The following DYNC2I2 variants were observed in gnomAD, a reference collection of about 807,000 sequenced individuals.
DYNC2I2 encodes the protein dynein 2 intermediate chain 2.
In DYNC2I2, 39 loss-of-function variants were observed where a neutral mutation model predicts 52.0. That is an observed-to-expected ratio of 0.75 (90% CI 0.58 to 0.98). The LOEUF (loss-of-function observed/expected upper bound fraction) is 0.98. Ranked by LOEUF, DYNC2I2 falls within the 50% of genes least tolerant of loss-of-function variation. The pLI is 0.00. For synonymous variants in DYNC2I2, 359 were observed against 321.1 expected, an observed-to-expected ratio of 1.12 and a Z score of -1.26; for missense variants, 743 against 728.4, an observed-to-expected ratio of 1.02 and a Z score of -0.23.
At chr9:128,656,906 TG>T (rs1860841682), upstream of DYNC2I2, 1 of 633,294 alleles carries the variant, frequency 1.6e-6, no homozygotes, top group Non-Finnish European at 2.4e-6. Context: ...GAGAGAAGCA[TG>T]ACCGGTTTTG....
intron 1 of DYNC2I2, among the ~76,000 whole-genome samples, chr9:128,648,497 C>T (rs989742904): frequency 4.0e-5 from 6 of 151,434 alleles, no homozygotes; most frequent in South Asian, 2.1e-4. Flanking sequence ...CCAAGCCAAG[C>T]GGGCAGGGCC....
the DYNC2I2 span, chr9:128,683,810 C>T: frequency 8.3e-7 from 1 of 1,199,884 alleles, no homozygotes; most frequent in Non-Finnish European, 1.2e-6. Flanking sequence ...ATTTAAGCCG[C>T]TGGCACCTGG....
the DYNC2I2 span, among the ~76,000 whole-genome samples, chr9:128,681,672 T>C: frequency 1.2e-3 from 182 of 152,334 alleles, no homozygotes; most frequent in African/African-American, 4.0e-3. Flanking sequence ...TGTACCAATC[T>C]ACCTTCTATT....
rs143075961 is a variant in DYNC2I2 at position 128,640,898 on chromosome 9, G to A, written c.228C>T (p.Ser76=). 131 of 1,607,298 alleles carry A rather than the reference G, an allele frequency of 8.2e-5. No individual in the cohort carries two copies. The highest frequency in any genetic ancestry group is 3.3e-4 in the Middle Eastern group (2 of 6,046). Residue 76 remains serine, a synonymous_variant, in exon 2 of 9, where the codon TCC becomes TCT. Transcript: ENST00000372715. ...CGTCCACATGATTCCTGGCCTGGGCGGATGCACTGGCAGTGGCAATGCTGG... is the reference window on the plus strand; with the variant it reads ...CGTCCACATGATTCCTGGCCTGGGCAGATGCACTGGCAGTGGCAATGCTGG... The part of the protein sequence containing the change: ...QTASIATASA[S]AQARNHVDAQ...
At chr9:128,648,669 G>A (rs559337775) in intron 1 of DYNC2I2, among the ~76,000 whole-genome samples, 95 of 151,794 alleles carry the variant, frequency 6.3e-4, no homozygotes, top group Non-Finnish European at 1.1e-3. Flanking sequence ...GCGTGTTGGC[G>A]GGCAACTGTA....
Position 128,640,908 on chromosome 9 carries a change from G to C in DYNC2I2, c.218C>G (p.Ala73Gly), listed in dbSNP as rs769830006. 1.9e-6 allele frequency: 3 copies of C among 1,603,502 alleles called. No individual in the cohort carries two copies. The highest frequency in any genetic ancestry group is 2.6e-6 in the Non-Finnish European group (3 of 1,173,338). Residue 73 changes from alanine (A) to glycine (G), a missense_variant, in exon 2 of 9, where the codon GCC becomes GGC. Physicochemically the swap from Ala to Gly is moderately conservative, Grantham distance 60. Coordinates refer to ENST00000372715, the MANE Select transcript of DYNC2I2 (RefSeq NM_052844.4). ...ATTCCTGGCCTGGGCGGATGCACTG[G>C]CAGTGGCAATGCTGGCCGTCTGGCA... ...KSCQTASIAT[A>G]SASAQARNHV...
At chr9:128,667,124 G>A in the DYNC2I2 span, among the ~76,000 whole-genome samples, 15 of 150,668 alleles carry the variant, frequency 1.0e-4, no homozygotes, top group African/African-American at 3.4e-4. Flanking sequence ...GCTTGAACCC[G>A]GGAGGCAGAG....
At chr9:128,639,226 C>A (rs1352978777) in intron 2 of DYNC2I2, among the ~76,000 whole-genome samples, 2 of 151,822 alleles carry the variant, frequency 1.3e-5, no homozygotes, top group African/African-American at 4.8e-5. Context: ...ATGGTGAAAT[C>A]CATCTCTACC....
At chr9:128,659,232 C>T (rs1309702785), upstream of DYNC2I2, among the ~76,000 whole-genome samples, 1 of 151,878 alleles carries the variant, frequency 6.6e-6, no homozygotes, top group Non-Finnish European at 1.5e-5. Flanking sequence ...CATTAAGGGG[C>T]CGGGCGCGGT....
the DYNC2I2 span, among the ~76,000 whole-genome samples, chr9:128,670,172 G>A: frequency 6.6e-6 from 1 of 152,148 alleles, no homozygotes; most frequent in East Asian, 1.9e-4. Context: ...CACCGCTGGT[G>A]GGTCACACCT....
the DYNC2I2 span, among the ~76,000 whole-genome samples, chr9:128,673,548 C>T: frequency 6.6e-6 from 1 of 151,426 alleles, no homozygotes; most frequent in Admixed American, 6.6e-5. Flanking sequence ...CTCTGTCACC[C>T]GGGCTGGAGT....
intron 1 of DYNC2I2, among the ~76,000 whole-genome samples, chr9:128,649,500 C>T (rs1860683916): frequency 6.6e-6 from 1 of 151,396 alleles, no homozygotes; most frequent in Non-Finnish European, 1.5e-5. Context: ...ACCAGCCTGG[C>T]CAACATGGTG....
At chr9:128,661,451 T>A (rs192617010), upstream of DYNC2I2, among the ~76,000 whole-genome samples, 214 of 151,114 alleles carry the variant, frequency 1.4e-3, no homozygotes, top group African/African-American at 4.7e-3. Flanking sequence ...AAACCTTGTC[T>A]CTACAAAAAT....
intron 4 of DYNC2I2, 95 bp downstream of exon 4, chr9:128,636,186 G>A (rs757960860): frequency 4.3e-5 from 66 of 1,530,450 alleles, no homozygotes; most frequent in Admixed American, 2.0e-4. Flanking sequence ...TCCTGTCTCC[G>A]GGCCAAAGGG....
chr9:128,680,981 T>C, the DYNC2I2 span, among the ~76,000 whole-genome samples: 1 of 151,250 alleles, frequency 6.6e-6, no homozygotes. Flanking sequence ...TAGCTTGTTT[T>C]TGTACTTTAT....
chr9:128,636,452 G>C lies in DYNC2I2; in HGVS notation c.546-14C>G. The C allele has an allele frequency of 6.3e-6, 10 of 1,588,214 alleles. No homozygotes were observed. Among genetic ancestry groups the C allele is most frequent in the Non-Finnish European group, 7.7e-6 (9 of 1,172,276 alleles). On this transcript the variant is annotated splice_polypyrimidine_tract_variant and intron_variant, in intron 3 of 8. Coordinates refer to ENST00000372715, the MANE Select transcript of DYNC2I2 (RefSeq NM_052844.4). Reference sequence around the variant, plus strand: ...CCATGGTCCAGCCTGTGCAGGGACAGGCTTGAGCCGGCTGTGCCCCTGGGT... The same window carrying C: ...CCATGGTCCAGCCTGTGCAGGGACACGCTTGAGCCGGCTGTGCCCCTGGGT...
rs947182 is a variant in DYNC2I2 at position 128,636,064 on chromosome 9, T to A, written c.703+217A>T. The stretch of plus-strand genomic sequence containing the variant: ...CTCTTCTGGCCTCTCCACAGCCCCC[T>A]GTCCTGGCCCCGACCCTGGCCCCCT... On this transcript the variant is annotated intron_variant, in intron 4 of 8. Transcript: ENST00000372715. The A allele has an allele frequency of 1, 814,087 of 814,798 alleles. 406,692 individuals carry two copies. Among genetic ancestry groups the A allele is most frequent in the East Asian group, 1 (37,560 of 37,560 alleles). The allele number at this position is 814,798 out of a possible 1,614,324, so 50.5% of individuals were successfully genotyped here.
the DYNC2I2 span, among the ~76,000 whole-genome samples, chr9:128,682,116 T>C: frequency 7.7e-3 from 1,171 of 151,234 alleles, 16 homozygotes; most frequent in African/African-American, 0.027. Context: ...TGGCGCAATC[T>C]CCACTCACTG....
intron 1 of DYNC2I2, among the ~76,000 whole-genome samples, chr9:128,646,851 GCA>G (rs1209927354): frequency 3.3e-5 from 5 of 152,248 alleles, no homozygotes; most frequent in Non-Finnish European, 7.3e-5. Context: ...GGTTGGCTGG[GCA>G]CAGTGGCTCA....
Sources: gnomAD v4.1 joint callset for allele counts (sites outside exome capture counted in the v4.1 genomes callset) on GRCh38, gnomAD v4.1.1 for gene constraint, MANE v1.5 for transcripts, NCBI Gene and HGNC (gene_info 2026-07-23, HGNC 2026-07-21) for gene names.